Variants in ANAPC10 observed in about 807,000 individuals in gnomAD.
The protein encoded by ANAPC10 is anaphase-promoting complex subunit 10.
Under a neutral mutation model 22.0 loss-of-function variants are expected in ANAPC10, and 12 were observed. That is an observed-to-expected ratio of 0.55 (90% confidence interval 0.35 to 0.88). The LOEUF (loss-of-function observed/expected upper bound fraction) is 0.88, where lower values mean the gene tolerates loss of function less well. Ranked by LOEUF, ANAPC10 falls within the 40% of genes least tolerant of loss-of-function variation. The pLI is 0.01. For missense variants in ANAPC10, 188 were observed against 220.9 expected (o/e 0.85, Z 0.94); for synonymous variants, 65 against 69.5 (o/e 0.94, Z 0.32).
intron 4 of ANAPC10, among the ~76,000 whole-genome samples, chr4:145,041,394 CA>C (rs1360073716): frequency 6.6e-6 from 1 of 152,036 alleles, no homozygotes; most frequent in Admixed American, 6.6e-5. Context: ...AACTTGTTTC[CA>C]AAAATGATAA....
At chr4:145,075,738 C>G (rs550696761) in intron 3 of ANAPC10, among the ~76,000 whole-genome samples, 15 of 152,272 alleles carry the variant, frequency 9.9e-5, no homozygotes, top group African/African-American at 3.4e-4. Flanking sequence ...GCCCCACAAC[C>G]CCCCCAGGCA....
At chr4:144,996,366 C>T (rs940203637) in intron 4 of ANAPC10, among the ~76,000 whole-genome samples, 2 of 152,126 alleles carry the variant, frequency 1.3e-5, no homozygotes, top group East Asian at 1.9e-4. Context: ...CTCAGCTGGG[C>T]GCCACTTGGA....
intron 1 of ANAPC10, chr4:145,097,530 T>TTCTTTAA: frequency 1.6e-6 from 2 of 1,287,242 alleles, no homozygotes; most frequent in Non-Finnish European, 2.0e-6. Flanking sequence ...TCCGAAGTTG[T>TTCTTTAA]TCTTTAATCG....
intron 4 of ANAPC10, among the ~76,000 whole-genome samples, chr4:145,031,259 T>C (rs1255117830): frequency 6.6e-6 from 1 of 152,236 alleles, no homozygotes; most frequent in Non-Finnish European, 1.5e-5. Flanking sequence ...GACATTGTGC[T>C]GACTGGATCC....
chr4:145,020,720 G>T (rs1479412760), intron 4 of ANAPC10, among the ~76,000 whole-genome samples: 1 of 151,808 alleles, frequency 6.6e-6, no homozygotes, highest in Non-Finnish European at 1.5e-5. Flanking sequence ...ACTGACAAAA[G>T]AATTCAGTAA....
rs1733577569 is a variant in ANAPC10, at chr4:145,007,493, C to A, written c.328-11890G>T. ...ACAAACTGTCTCTCAGACCACAATG[C>A]AATCAAATTACAACTCAGGATTAAG... On this transcript the variant is annotated intron_variant, in intron 4 of 4. Coordinates refer to ENST00000507656, the MANE Select transcript of ANAPC10 (RefSeq NM_001256706.2). 2.6e-5 allele frequency among the ~76,000 whole-genome samples: 4 copies of A among 151,632 alleles called. No homozygotes were observed. In the South Asian group the frequency reaches 8.3e-4, roughly 32 times the overall value.
chr4:145,054,835 T>C (rs1211498241), intron 4 of ANAPC10, among the ~76,000 whole-genome samples: 2 of 152,082 alleles, frequency 1.3e-5, no homozygotes, highest in Non-Finnish European at 2.9e-5. Flanking sequence ...CTCCTTGTTA[T>C]GTATCTACCC....
chr4:145,066,528 G>A (rs1019480527), intron 3 of ANAPC10, among the ~76,000 whole-genome samples: 8 of 151,980 alleles, frequency 5.3e-5, no homozygotes, highest in African/African-American at 1.9e-4. Flanking sequence ...AAAGGATCAA[G>A]TGTTTTGCTC....
At chr4:145,047,593 A>C (rs1740507344) in intron 4 of ANAPC10, among the ~76,000 whole-genome samples, 1 of 152,104 alleles carries the variant, frequency 6.6e-6, no homozygotes, top group Non-Finnish European at 1.5e-5. Context: ...TAAGTTTCTC[A>C]AAGTCAGGAA....
In ANAPC10 at chr4:144,994,950, T is replaced by G. The variant is rs1018545254; in HGVS notation, c.*423A>C. On this transcript the variant is annotated 3_prime_UTR_variant, in exon 5 of 5. Transcript: ENST00000507656. The stretch of plus-strand genomic sequence containing the variant: ...GGTAGAAAAAATAGTAATTTTGACC[T>G]ATTAAAGATGATATATATTGATAAA... The G allele has an allele frequency of 6.5e-6, 1 of 153,610 alleles. No homozygotes were observed. The highest frequency in any genetic ancestry group is 1.4e-5 in the Non-Finnish European group (1 of 69,072). The allele number at this position is 153,610 out of a possible 1,614,324, so 9.5% of individuals were successfully genotyped here.
chr4:145,003,625 G>A (rs1242331259), intron 4 of ANAPC10, among the ~76,000 whole-genome samples: 7 of 152,134 alleles, frequency 4.6e-5, no homozygotes, highest in African/African-American at 1.7e-4. Context: ...TGTTTTTGTC[G>A]ACTTCGTTGA....
intron 4 of ANAPC10, among the ~76,000 whole-genome samples, chr4:145,061,586 G>A (rs1398694614): frequency 6.6e-6 from 1 of 152,066 alleles, no homozygotes; most frequent in Non-Finnish European, 1.5e-5. Context: ...ACATTTTATT[G>A]CTAGTGTTTC....
At chr4:145,050,142 A>C (rs981263964) in intron 4 of ANAPC10, among the ~76,000 whole-genome samples, 1 of 152,240 alleles carries the variant, frequency 6.6e-6, no homozygotes, top group South Asian at 2.1e-4. Context: ...AAAGAAATGT[A>C]TAAGACTTGG....
intron 4 of ANAPC10, among the ~76,000 whole-genome samples, chr4:145,006,461 G>T (rs78233946): frequency 2.6e-3 from 389 of 152,196 alleles, no homozygotes; most frequent in Non-Finnish European, 4.4e-3. Flanking sequence ...ATGAATAAAA[G>T]AATGTAGGGC....
chr4:145,042,141 A>AAC (rs1203652586), intron 4 of ANAPC10, among the ~76,000 whole-genome samples: 1 of 152,184 alleles, frequency 6.6e-6, no homozygotes, highest in Middle Eastern at 3.2e-3. Context: ...TGAGACTGCC[A>AAC]ACACACTAGA....
chr4:145,043,725 A>G (rs1231821922), intron 4 of ANAPC10, among the ~76,000 whole-genome samples: 2 of 152,158 alleles, frequency 1.3e-5, no homozygotes, highest in African/African-American at 4.8e-5. Context: ...AGAAAATGCA[A>G]CAGGAAAGTT....
chr4:145,044,156 T>C (rs1739932464), intron 4 of ANAPC10, among the ~76,000 whole-genome samples: 1 of 152,066 alleles, frequency 6.6e-6, no homozygotes, highest in Non-Finnish European at 1.5e-5. Flanking sequence ...TGACAGTATT[T>C]GCATTATATT....
At chr4:145,067,848 T>G (rs372858642) in intron 3 of ANAPC10, among the ~76,000 whole-genome samples, 65 of 152,256 alleles carry the variant, frequency 4.3e-4, no homozygotes, top group African/African-American at 1.5e-3. Context: ...TCCCTTAAAG[T>G]TAGGTAGAGC....
At chr4:145,083,951 C>CAA (rs1296762718) in intron 2 of ANAPC10, among the ~76,000 whole-genome samples, 23 of 152,048 alleles carry the variant, frequency 1.5e-4, no homozygotes, top group Non-Finnish European at 2.8e-4. Flanking sequence ...TTATTCATAA[C>CAA]ACTTTTACTA....
Sources: allele counts gnomAD v4.1 joint callset (sites outside exome capture counted in the v4.1 genomes callset), GRCh38; gene constraint gnomAD v4.1.1; transcripts MANE v1.5; gene names NCBI Gene and HGNC (gene_info 2026-07-23, HGNC 2026-07-21).